Variants in MAP3K20 observed in about 807,000 individuals in gnomAD.
MAP3K20 encodes HCCS-4.
MAP3K20 carries 40 observed loss-of-function variants against 85.7 expected under a neutral mutation model. The observed-to-expected ratio is 0.47, with a 90% CI of 0.36 to 0.61. The LOEUF (loss-of-function observed/expected upper bound fraction) is 0.61, where lower values mean the gene tolerates loss of function less well. Ranked by LOEUF, MAP3K20 falls within the 20% of genes least tolerant of loss-of-function variation. The pLI, the probability that MAP3K20 is intolerant of heterozygous loss-of-function variation, is 0.00. For missense variants in MAP3K20, 817 were observed against 961.7 expected (o/e 0.85, Z 1.99); for synonymous variants, 325 against 327.7 (o/e 0.99, Z 0.09).
At chr2:173,140,695 T>TC (rs1016251715) in intron 2 of MAP3K20, among the ~76,000 whole-genome samples, 2 of 152,184 alleles carry the variant, frequency 1.3e-5, no homozygotes, top group African/African-American at 4.8e-5. Flanking sequence ...CTAATACTAT[T>TC]CCCCCCATAA....
chr2:173,081,250 C>T lies in MAP3K20; in HGVS notation c.-35+5248C>T, dbSNP rs114785323. 8.5e-3 allele frequency among the ~76,000 whole-genome samples: 1,253 copies of T among 147,888 alleles called. 12 individuals carry two copies. Among genetic ancestry groups the T allele is most frequent in the African/African-American group, 0.03 (1,202 of 39,876 alleles). ...CTATGTTGTCCAGGCTGGCCTTGAA[C>T]TCCTGTGCTCTAGCAATCCTCCCAC... On this transcript the variant is annotated intron_variant, in intron 1 of 19. Transcript: ENST00000375213.
chr2:173,191,208 A>C, intron 7 of MAP3K20, 31 bp downstream of exon 7: 1 of 1,607,322 alleles, frequency 6.2e-7, no homozygotes. Flanking sequence ...TTGTTTACTA[A>C]GGGAAATACA....
intron 8 of MAP3K20, among the ~76,000 whole-genome samples, chr2:173,200,610 A>G (rs1473762973): frequency 6.6e-6 from 1 of 152,064 alleles, no homozygotes; most frequent in Non-Finnish European, 1.5e-5. Context: ...TTATAGATTC[A>G]CAGGAGTTTG....
intron 7 of MAP3K20, among the ~76,000 whole-genome samples, chr2:173,197,374 TA>T (rs961669073): frequency 6.6e-6 from 1 of 152,220 alleles, no homozygotes; most frequent in African/African-American, 2.4e-5. Context: ...ATAGTCAGCT[TA>T]TATGTATAGA....
At chr2:173,105,496 G>A (rs972084358) in intron 2 of MAP3K20, among the ~76,000 whole-genome samples, 1 of 152,106 alleles carries the variant, frequency 6.6e-6, no homozygotes, top group Non-Finnish European at 1.5e-5. Context: ...CATTTACAAT[G>A]CAATAAAAAT....
chr2:173,163,048 T>C (rs113512959), intron 2 of MAP3K20, among the ~76,000 whole-genome samples: 3 of 152,330 alleles, frequency 2.0e-5, no homozygotes, highest in African/African-American at 7.2e-5. Flanking sequence ...CAAAAATAAG[T>C]GAACTCAATT....
At chr2:173,169,670 A>G in intron 2 of MAP3K20, 135 bp from the exon 3 acceptor site, 1 of 794,180 alleles carries the variant, frequency 1.3e-6, no homozygotes, top group Non-Finnish European at 1.9e-6. Context: ...CAGTGAGCCA[A>G]GATCACACCA....
At chr2:173,210,839 T>G (rs1370469597) in intron 10 of MAP3K20, 1 of 152,214 alleles carries the variant, frequency 6.6e-6, no homozygotes, top group South Asian at 2.1e-4. Flanking sequence ...CGTTGTTTAC[T>G]CCTGTTACTA....
chr2:173,137,109 C>T (rs978246190), intron 2 of MAP3K20, among the ~76,000 whole-genome samples: 6 of 152,122 alleles, frequency 3.9e-5, no homozygotes, highest in African/African-American at 1.2e-4. Context: ...GTGAACTTTA[C>T]GTGGGAAAAC....
intron 2 of MAP3K20, among the ~76,000 whole-genome samples, chr2:173,155,996 A>G (rs957760955): frequency 6.6e-6 from 1 of 152,292 alleles, no homozygotes; most frequent in East Asian, 1.9e-4. Context: ...AACTTTCTAG[A>G]TGAGATTGCT....
chr2:173,090,720 AG>A (rs1408695172), intron 1 of MAP3K20: 12 of 1,039,946 alleles, frequency 1.2e-5, no homozygotes, highest in Non-Finnish European at 1.2e-5. Flanking sequence ...TGGGATGAGT[AG>A]GAAGTGCTGC....
chr2:173,148,841 C>G (rs955959574), intron 2 of MAP3K20, among the ~76,000 whole-genome samples: 1 of 152,100 alleles, frequency 6.6e-6, no homozygotes, highest in African/African-American at 2.4e-5. Context: ...GATTGATGTT[C>G]GATGATGAAG....
intron 4 of MAP3K20, among the ~76,000 whole-genome samples, chr2:173,185,181 C>T (rs1338882192): frequency 2.6e-5 from 4 of 152,036 alleles, no homozygotes; most frequent in Admixed American, 6.5e-5. Context: ...GCGGAGGTTG[C>T]GGTGAGCCAA....
chr2:173,218,325 G>A (rs1292975324), intron 11 of MAP3K20, among the ~76,000 whole-genome samples: 1 of 152,202 alleles, frequency 6.6e-6, no homozygotes, highest in African/African-American at 2.4e-5. Flanking sequence ...AAAATACCAT[G>A]AAGCTAAATG....
intron 5 of MAP3K20, among the ~76,000 whole-genome samples, chr2:173,189,447 T>C (rs6734666): frequency 0.55 from 82,898 of 151,952 alleles, 24,248 homozygotes; most frequent in Non-Finnish European, 0.67. Context: ...ACTTTATCCT[T>C]GGACTCATCT....
intron 2 of MAP3K20, among the ~76,000 whole-genome samples, chr2:173,101,129 TA>T (rs1277009819): frequency 1.3e-5 from 2 of 152,220 alleles, no homozygotes; most frequent in Admixed American, 1.3e-4. Flanking sequence ...TCCTAGGACC[TA>T]GAGGAATTTG....
chr2:173,179,329 T>G (rs1690255432), intron 3 of MAP3K20, among the ~76,000 whole-genome samples: 1 of 151,178 alleles, frequency 6.6e-6, no homozygotes, highest in Non-Finnish European at 1.5e-5. Context: ...GAGGCGGAGC[T>G]TGCAGTGAGT....
chr2:173,238,976 T>C (rs1323167147), intron 15 of MAP3K20, among the ~76,000 whole-genome samples: 2 of 152,202 alleles, frequency 1.3e-5, no homozygotes, highest in Non-Finnish European at 2.9e-5. Flanking sequence ...CAAAGACTCG[T>C]TTTGTTCCTC....
chr2:173,139,340 T>C (rs1164175670), intron 2 of MAP3K20, among the ~76,000 whole-genome samples: 1 of 152,212 alleles, frequency 6.6e-6, no homozygotes, highest in Non-Finnish European at 1.5e-5. Context: ...CTGTTTGAAT[T>C]CTGATTGCTT....
Sources: allele counts gnomAD v4.1 joint callset (sites outside exome capture counted in the v4.1 genomes callset), GRCh38; gene constraint gnomAD v4.1.1; transcripts MANE v1.5; gene names NCBI Gene and HGNC (gene_info 2026-07-23, HGNC 2026-07-21).